Variants in ZNF573 observed in about 807,000 individuals in gnomAD.
The protein encoded by ZNF573 is zinc finger protein 573.
Under a neutral mutation model 57.4 loss-of-function variants are expected in ZNF573, and 41 were observed. That is an observed-to-expected ratio of 0.71 (90% CI 0.56 to 0.93). The LOEUF is 0.93. Ranked by LOEUF, ZNF573 falls within the 40% of genes least tolerant of loss-of-function variation. The probability of loss-of-function intolerance (pLI) is 0.00; values close to 1 mark genes in which losing one functional copy is unlikely to be tolerated. For synonymous variants in ZNF573, 249 were observed against 261.0 expected, an observed-to-expected ratio of 0.95 and a Z score of 0.44; for missense variants, 730 against 794.8, an observed-to-expected ratio of 0.92 and a Z score of 0.98.
In ZNF573 at chr19:37,771,569, G is replaced by A; in HGVS notation, c.197C>T (p.Ser66Leu). 1 of 1,610,040 alleles carries A rather than the reference G, an allele frequency of 6.2e-7. No individual in the cohort carries two copies. The highest frequency in any genetic ancestry group is 8.5e-7 in the Non-Finnish European group (1 of 1,178,298). ...CTTGAGGCAAATAAACTTACCCAGT[G>A]ATACCAGGTTTCTATAGTTCTCCAA... The part of the protein sequence containing the change: ...VMLENYRNLV[S>L]LGGHSISKPV... Residue 66 changes from serine to leucine, a missense_variant, in exon 3 of 5, where the codon TCA (serine) becomes TTA (leucine). Transcript: ENST00000536220.
chr19:37,777,062 A>G (rs1364048539), intron 1 of ZNF573, among the ~76,000 whole-genome samples: 4 of 152,260 alleles, frequency 2.6e-5, no homozygotes, highest in African/African-American at 7.2e-5. Context: ...TACAACCACT[A>G]TGACAAACAG....
At position 37,739,435 on chromosome 19, in the gene ZNF573, T is replaced by G. The variant is rs145278935; in HGVS notation, c.1055A>C (p.His352Pro). The G allele has an allele frequency of 6.2e-7, 1 of 1,614,146 alleles. No individual in the cohort carries two copies. Among genetic ancestry groups the G allele is most frequent in the Non-Finnish European group, 8.5e-7 (1 of 1,180,002 alleles). ...ACATTCATAGGGTTTTCCACCTTTA[T>G]GAATTCTCTGATGTAGAAGAAAGTA... ...ASYFLLHQRI[H>P]KGGKPYECKE... The change falls in exon 5 of 5, where the codon CAT becomes CCT. Residue 352 changes from histidine to proline, a missense_variant. Coordinates refer to ENST00000536220, the MANE Select transcript of ZNF573 (RefSeq NM_001172690.2).
At chr19:37,767,209 T>TA (rs2045609197) in intron 4 of ZNF573, among the ~76,000 whole-genome samples, 1 of 151,038 alleles carries the variant, frequency 6.6e-6, no homozygotes, top group Non-Finnish European at 1.5e-5. Flanking sequence ...TTCGCCAACA[T>TA]AAAAAACGGC....
chr19:37,757,894 G>A (rs59966837), intron 4 of ZNF573, among the ~76,000 whole-genome samples: 13,650 of 151,860 alleles, frequency 0.09, 995 homozygotes, highest in African/African-American at 0.2. Flanking sequence ...CCGTTGTAGG[G>A]ACATGGATGA....
chr19:37,775,307 C>T (rs1209271897), intron 1 of ZNF573, among the ~76,000 whole-genome samples: 2 of 152,150 alleles, frequency 1.3e-5, no homozygotes, highest in African/African-American at 4.8e-5. Context: ...CATGAGCTAC[C>T]ACGCCTGGCC....
intron 4 of ZNF573, among the ~76,000 whole-genome samples, chr19:37,752,101 A>G (rs2045443698): frequency 6.6e-6 from 1 of 151,904 alleles, no homozygotes; most frequent in Admixed American, 6.6e-5. Flanking sequence ...ACACTTACAT[A>G]TATCTCAAAT....
chr19:37,739,359 C>T lies in ZNF573; in HGVS notation c.1131G>A (p.Gln377=). ...FTLYRNLTRH[Q]NIHTGEKLFE... ...AAAGTTTCTCACCAGTATGAATATT[C>T]TGATGCCGAGTAAGATTTCTATACA... is the stretch of plus-strand genomic sequence containing the variant. The change falls in exon 5 of 5, where the codon CAG becomes CAA. Residue 377 remains glutamine, a synonymous_variant. Transcript: ENST00000536220. The T allele has an allele frequency of 6.2e-7, 1 of 1,614,044 alleles. No homozygotes were observed. Among genetic ancestry groups the T allele is most frequent in the Non-Finnish European group, 8.5e-7 (1 of 1,180,004 alleles).
At chr19:37,751,777 A>G (rs563175459) in intron 4 of ZNF573, among the ~76,000 whole-genome samples, 2 of 102,152 alleles carry the variant, frequency 2.0e-5, no homozygotes, top group Admixed American at 2.2e-4. Context: ...AGTACATAGT[A>G]CCGTATATAT....
chr19:37,752,659 G>A (rs1194924746), intron 4 of ZNF573, among the ~76,000 whole-genome samples: 3 of 152,088 alleles, frequency 2.0e-5, no homozygotes, highest in Admixed American at 6.6e-5. Context: ...TCAGAGATGA[G>A]GATTTTGCTC....
At chr19:37,766,135 T>C (rs947070078) in intron 4 of ZNF573, among the ~76,000 whole-genome samples, 1 of 152,206 alleles carries the variant, frequency 6.6e-6, no homozygotes, top group Non-Finnish European at 1.5e-5. Flanking sequence ...TGTAAAAAAT[T>C]GTTTATATTT....
At position 37,739,806 on chromosome 19, in the gene ZNF573, T is replaced by C. The variant is rs1221360450; in HGVS notation, c.684A>G (p.Ile228Met). ...YECRQCGKAF[I>M]YASHIVQHER... is the part of the protein sequence containing the mutation. ...CATGTTGAACAATGTGTGAGGCATA[T>C]ATAAAGGCCTTCCCACACTGCCTAC... Residue 228 changes from isoleucine to methionine, a missense_variant, in exon 5 of 5, where the codon ATA (isoleucine) becomes ATG (methionine). Ile to Met is a conservative substitution (Grantham distance 10). Coordinates refer to ENST00000536220, the MANE Select transcript of ZNF573 (RefSeq NM_001172690.2). 12 of 1,613,642 alleles carry C rather than the reference T, an allele frequency of 7.4e-6. No homozygotes were observed. Among genetic ancestry groups the C allele is most frequent in the Non-Finnish European group, 1.0e-5 (12 of 1,179,758 alleles).
At chr19:37,767,682 G>C (rs1359001120) in intron 4 of ZNF573, among the ~76,000 whole-genome samples, 1 of 152,180 alleles carries the variant, frequency 6.6e-6, no homozygotes, top group African/African-American at 2.4e-5. Flanking sequence ...TCTGGACTCA[G>C]ATACATAAGC....
At chr19:37,764,626 C>T (rs535121999) in intron 4 of ZNF573, among the ~76,000 whole-genome samples, 67 of 135,248 alleles carry the variant, frequency 5.0e-4, no homozygotes, top group Non-Finnish European at 7.2e-4. Flanking sequence ...TTTTTTGAGA[C>T]GGTGTCTCGC....
rs751969525 is a variant in ZNF573, at chr19:37,739,448, G to A, written c.1042C>T (p.His348Tyr). The part of the protein sequence containing the change: ...GYTTASYFLL[H>Y]QRIHKGGKPY... ...TTTCCACCTTTATGAATTCTCTGAT[G>A]TAGAAGAAAGTATGAGGCAGTGGTA... Residue 348 changes from histidine to tyrosine, a missense_variant, in exon 5 of 5, where the codon CAT (histidine) becomes TAT (tyrosine). Coordinates refer to ENST00000536220, the MANE Select transcript of ZNF573 (RefSeq NM_001172690.2). 3.1e-6 allele frequency: 5 copies of A among 1,614,068 alleles called. 1 individual carries two copies. In the South Asian group the frequency reaches 5.5e-5, roughly 18 times the overall value.
chr19:37,775,032 A>T (rs1486045433), intron 1 of ZNF573, among the ~76,000 whole-genome samples: 5 of 142,670 alleles, frequency 3.5e-5, no homozygotes, highest in African/African-American at 1.3e-4. Context: ...TTTTTTTTTA[A>T]GGGGCAGGGG....
intron 1 of ZNF573, among the ~76,000 whole-genome samples, chr19:37,776,908 G>GA (rs2045713879): frequency 1.3e-5 from 2 of 152,104 alleles, no homozygotes; most frequent in South Asian, 4.1e-4. Context: ...TAATGATCAG[G>GA]AAAATGCCAA....
At chr19:37,750,481 A>G (rs2045423078) in intron 4 of ZNF573, among the ~76,000 whole-genome samples, 1 of 152,184 alleles carries the variant, frequency 6.6e-6, no homozygotes, top group Admixed American at 6.5e-5. Context: ...AATTGATAAG[A>G]GATAAAATAT....
Position 37,739,293 on chromosome 19 carries a change from T to C in ZNF573, c.1197A>G (p.Ser399=). 2 of 1,614,076 alleles carry C rather than the reference T, an allele frequency of 1.2e-6. No homozygotes were observed. The highest frequency in any genetic ancestry group is 1.7e-6 in the Non-Finnish European group (2 of 1,180,006). ...KQCGKTYTTG[S]KLFQHQKTHT... ...GAGTTTTCTGATGTTGAAAGAGTTT[T>C]GAACCAGTAGTATAGGTCTTCCCAC... is the stretch of plus-strand genomic sequence containing the variant. Residue 399 remains serine (S), a synonymous_variant, in exon 5 of 5, where the codon TCA becomes TCG. Transcript: ENST00000536220.
intron 4 of ZNF573, among the ~76,000 whole-genome samples, chr19:37,743,780 C>A (rs2045350664): frequency 6.6e-6 from 1 of 152,176 alleles, no homozygotes; most frequent in Non-Finnish European, 1.5e-5. Flanking sequence ...AAATGTGGTA[C>A]ATATACACCA....
Sources: gnomAD v4.1 joint callset for allele counts (sites outside exome capture counted in the v4.1 genomes callset) on GRCh38, gnomAD v4.1.1 for gene constraint, MANE v1.5 for transcripts, NCBI Gene and HGNC (gene_info 2026-07-23, HGNC 2026-07-21) for gene names.